TSNARE1: variants seen among roughly 807,000 people sequenced by gnomAD.
TSNARE1 encodes the protein t-SNARE domain-containing protein 1.
In TSNARE1, 49 loss-of-function variants were observed where a neutral mutation model predicts 62.0. That is an observed-to-expected ratio of 0.79 (90% CI 0.63 to 1.00). TSNARE1 has a LOEUF of 1.00. Ranked by LOEUF, TSNARE1 falls within the 50% of genes least tolerant of loss-of-function variation. The pLI is 0.00. For synonymous variants in TSNARE1, 328 were observed against 294.4 expected (o/e 1.11, Z -1.17); for missense variants, 755 against 700.1 (o/e 1.08, Z -0.88).
At chr8:142,220,849 T>G (rs1816176831) in intron 13 of TSNARE1, among the ~76,000 whole-genome samples, 1 of 152,204 alleles carries the variant, frequency 6.6e-6, no homozygotes, top group African/African-American at 2.4e-5. Context: ...GGCTGAATAC[T>G]GTACCTCCTG....
intron 12 of TSNARE1, among the ~76,000 whole-genome samples, chr8:142,246,150 C>T (rs1052367925): frequency 5.9e-5 from 9 of 152,152 alleles, no homozygotes; most frequent in African/African-American, 4.8e-5. Flanking sequence ...AGAGGGTGTC[C>T]ACTTGCCAAG....
chr8:142,311,250 C>T (rs1176586623), intron 9 of TSNARE1, among the ~76,000 whole-genome samples: 1 of 148,852 alleles, frequency 6.7e-6, no homozygotes, highest in East Asian at 2.0e-4. Flanking sequence ...GCAACCTGCG[C>T]CTCCCAGATT....
intron 1 of TSNARE1, among the ~76,000 whole-genome samples, chr8:142,374,679 C>CAA (rs1219756682): frequency 1.1e-3 from 68 of 59,342 alleles, no homozygotes; most frequent in African/African-American, 3.9e-3. Flanking sequence ...GACGCTGTCT[C>CAA]AAAAAAAAAA....
At chr8:142,297,828 G>C (rs184433371) in intron 10 of TSNARE1, among the ~76,000 whole-genome samples, 248 of 152,250 alleles carry the variant, frequency 1.6e-3, no homozygotes, top group African/African-American at 5.8e-3. Flanking sequence ...TGTTTTTCCC[G>C]TTTTCAGAGA....
At chr8:142,289,662 G>C (rs1334493669) in intron 10 of TSNARE1, among the ~76,000 whole-genome samples, 1 of 152,166 alleles carries the variant, frequency 6.6e-6, no homozygotes, top group African/African-American at 2.4e-5. Context: ...CTTCTACCAG[G>C]CAGCCCCAAG....
rs1554657501 is a variant in TSNARE1 at position 142,319,154 on chromosome 8, T to TCCG, written c.894-523_894-521dup. Among the ~76,000 whole-genome samples, 112 of 151,356 alleles carry TCCG rather than the reference T, an allele frequency of 7.4e-4. No homozygotes were observed. The highest frequency in any genetic ancestry group is 1.8e-3 in the East Asian group (9 of 5,068). On this transcript the variant is annotated intron_variant, in intron 6 of 13. Transcript: ENST00000524325. This position sits in a 1 kb window ranked among gnomAD's most constrained non-coding sequence, Gnocchi z 4.9. ...TCGGCCACTGCGAGGACCACCTTGC[T>TCCG]CCGCCGCAACCACCCCCAAATACCC...
chr8:142,282,250 G>C (rs1221015211), intron 11 of TSNARE1, among the ~76,000 whole-genome samples: 2 of 152,158 alleles, frequency 1.3e-5, no homozygotes, highest in Non-Finnish European at 2.9e-5. Flanking sequence ...AGCAGAACCA[G>C]AGCTCCAGCC....
intron 1 of TSNARE1, among the ~76,000 whole-genome samples, chr8:142,386,478 A>G (rs2131298759): frequency 6.6e-6 from 1 of 152,286 alleles, no homozygotes; most frequent in African/African-American, 2.4e-5. Flanking sequence ...CACAAAGCAC[A>G]CCACCACTCA....
intron 4 of TSNARE1, among the ~76,000 whole-genome samples, chr8:142,339,001 C>G (rs939911683): frequency 1.3e-5 from 2 of 152,124 alleles, no homozygotes; most frequent in African/African-American, 2.4e-5. Context: ...CTGGGCAGGG[C>G]ACAAGTGGCC....
chr8:142,343,409 C>T (rs538355619), intron 4 of TSNARE1, among the ~76,000 whole-genome samples: 6 of 151,566 alleles, frequency 4.0e-5, no homozygotes, highest in African/African-American at 1.5e-4. Flanking sequence ...CCATGGGGAG[C>T]GTCGGCACGG....
Position 142,232,091 on chromosome 8 carries a change from G to A in TSNARE1, c.1447-2512C>T, listed in dbSNP as rs575679071. Among the ~76,000 whole-genome samples, 7 of 152,368 alleles carry A rather than the reference G, an allele frequency of 4.6e-5. No homozygotes were observed. The South Asian group carries it at 8.3e-4, about 18-fold the overall frequency. On this transcript the variant is annotated intron_variant, in intron 12 of 13. Transcript: ENST00000524325. ...CTGTGCTCCACATCACTGCCAGACCGTGGCCTTGAGCACAGTGCTGGGCCT... is the reference window on the plus strand; with the variant it reads ...CTGTGCTCCACATCACTGCCAGACCATGGCCTTGAGCACAGTGCTGGGCCT...
intron 1 of TSNARE1, among the ~76,000 whole-genome samples, chr8:142,369,476 A>G (rs1370694133): frequency 6.6e-6 from 1 of 152,270 alleles, no homozygotes; most frequent in African/African-American, 2.4e-5. Flanking sequence ...ACATTAGAAA[A>G]AGCAAACCAC....
chr8:142,345,665 T>C (rs1833252959), intron 3 of TSNARE1, 78 bp downstream of exon 3: 14 of 1,441,764 alleles, frequency 9.7e-6, no homozygotes, highest in South Asian at 1.5e-5. Flanking sequence ...TCCCACCTGC[T>C]GACCCTGCCC....
Position 142,314,407 on chromosome 8 carries a change from T to C in TSNARE1, c.1108A>G (p.Met370Val), listed in dbSNP as rs144889751. 4.8e-5 allele frequency: 77 copies of C among 1,613,774 alleles called. 2 individuals are homozygous for C. In the Admixed American group the frequency reaches 9.2e-4, roughly 19 times the overall value. Reference protein sequence around the residue: ...IAEKSRALLPMAQRGSKQSPQ... With the variant: ...IAEKSRALLPVAQRGSKQSPQ... ...ACCTGTTTACTGCCCCTCTGCGCCA[T>C]GGGAAGCAGCGCTCTGGACTTTTCT... The change falls in exon 9 of 14, where the codon ATG becomes GTG. Residue 370 changes from methionine to valine, a missense_variant. Met to Val is a conservative substitution (Grantham distance 21). Coordinates refer to ENST00000524325, the MANE Select transcript of TSNARE1 (RefSeq NM_145003.5).
At chr8:142,405,184 C>T (rs942903975), upstream of TSNARE1, 1 of 152,238 alleles carries the variant, frequency 6.6e-6, no homozygotes, top group Non-Finnish European at 1.5e-5. Flanking sequence ...GAGGAGGATG[C>T]TAAGGGGTCC....
intron 1 of TSNARE1, among the ~76,000 whole-genome samples, chr8:142,377,528 G>C (rs1388782079): frequency 6.6e-6 from 1 of 152,208 alleles, no homozygotes; most frequent in Non-Finnish European, 1.5e-5. Flanking sequence ...AGTCAGGGCA[G>C]CGTGCAGGAA....
At chr8:142,219,554 G>A (rs1392923919) in intron 13 of TSNARE1, among the ~76,000 whole-genome samples, 1 of 152,208 alleles carries the variant, frequency 6.6e-6, no homozygotes, top group Non-Finnish European at 1.5e-5. Context: ...CCAGGGCCAT[G>A]GGCCACAGGG....
At position 142,354,753 on chromosome 8, in the gene TSNARE1, T is replaced by C. The variant is rs1199527451; in HGVS notation, c.-29A>G. ...CTTACAGATGGCAGGGCCAGCAGCC[T>C]CCACACTGAGCTGGAGGAAACACGA... is the stretch of plus-strand genomic sequence containing the variant. On this transcript the variant is annotated 5_prime_UTR_variant, in exon 2 of 14. Transcript: ENST00000524325. 1.9e-6 allele frequency: 3 copies of C among 1,571,146 alleles called. No individual in the cohort carries two copies. The highest frequency in any genetic ancestry group is 2.6e-6 in the Non-Finnish European group (3 of 1,142,194).
chr8:142,261,818 C>A (rs944942853), intron 12 of TSNARE1, among the ~76,000 whole-genome samples: 8 of 152,212 alleles, frequency 5.3e-5, no homozygotes, highest in African/African-American at 1.4e-4. Flanking sequence ...CAACATGCTA[C>A]GAGTCTGTCC....
Sources: gnomAD v4.1 joint callset for allele counts (sites outside exome capture counted in the v4.1 genomes callset) on GRCh38, gnomAD v4.1.1 for gene constraint, Gnocchi (gnomAD v3.1) non-coding constraint, MANE v1.5 for transcripts, NCBI Gene and HGNC (gene_info 2026-07-23, HGNC 2026-07-21) for gene names.